Variants in SPOCK3 observed in about 807,000 individuals in gnomAD.
SPOCK3 encodes testican-3.
Under a neutral mutation model 56.6 loss-of-function variants are expected in SPOCK3, and 30 were observed. The observed-to-expected ratio is 0.53, with a 90% CI of 0.40 to 0.72. The LOEUF (loss-of-function observed/expected upper bound fraction) is 0.72, where lower values mean the gene tolerates loss of function less well. Ranked by LOEUF, SPOCK3 falls within the 30% of genes least tolerant of loss-of-function variation. The probability of loss-of-function intolerance (pLI) is 0.00; values close to 1 mark genes in which losing one functional copy is unlikely to be tolerated. For missense variants in SPOCK3, 527 were observed against 530.0 expected (o/e 0.99, Z 0.06); for synonymous variants, 196 against 183.3 (o/e 1.07, Z -0.56).
intron 4 of SPOCK3, among the ~76,000 whole-genome samples, chr4:166,934,485 G>A (rs561604788): frequency 2.6e-5 from 4 of 151,892 alleles, no homozygotes; most frequent in South Asian, 2.1e-4. Context: ...GCGACAGAGC[G>A]AGACTCCGTC....
At chr4:166,965,369 C>A (rs1186313324) in intron 4 of SPOCK3, among the ~76,000 whole-genome samples, 1 of 150,374 alleles carries the variant, frequency 6.7e-6, no homozygotes. Flanking sequence ...GAAAGGTCTG[C>A]TGGCAAAGAA....
At chr4:167,197,549 AG>A (rs147981214) in intron 2 of SPOCK3, among the ~76,000 whole-genome samples, 9,403 of 152,126 alleles carry the variant, frequency 0.062, 318 homozygotes, top group Admixed American at 0.086. Flanking sequence ...AATGCTCAAA[AG>A]TTAAGTTTCC....
intron 6 of SPOCK3, among the ~76,000 whole-genome samples, chr4:166,857,137 T>C (rs1419196594): frequency 6.6e-6 from 1 of 152,194 alleles, no homozygotes; most frequent in African/African-American, 2.4e-5. Flanking sequence ...TATTTACATA[T>C]GGAAGATAGT....
At chr4:167,091,862 G>A (rs1005642702) in intron 2 of SPOCK3, among the ~76,000 whole-genome samples, 4 of 152,094 alleles carry the variant, frequency 2.6e-5, no homozygotes, top group Non-Finnish European at 5.9e-5. Context: ...ATGAAATTAT[G>A]TAAGTTTTTC....
At chr4:166,893,835 GC>G (rs1735054762) in intron 5 of SPOCK3, among the ~76,000 whole-genome samples, 1 of 152,006 alleles carries the variant, frequency 6.6e-6, no homozygotes, top group South Asian at 2.1e-4. Context: ...TCAAAGACAT[GC>G]TTTGAACTCT....
intron 2 of SPOCK3, among the ~76,000 whole-genome samples, chr4:167,116,699 T>G (rs542508730): frequency 1.5e-5 from 2 of 132,330 alleles, no homozygotes; most frequent in African/African-American, 5.5e-5. Flanking sequence ...ACATATAGTA[T>G]ATATACGTAT....
intron 2 of SPOCK3, among the ~76,000 whole-genome samples, chr4:167,185,125 A>C (rs1029601262): frequency 4.6e-5 from 7 of 152,232 alleles, no homozygotes; most frequent in Non-Finnish European, 1.0e-4. Flanking sequence ...TAACTGGGTG[A>C]AAGCAAAACA....
intron 7 of SPOCK3, among the ~76,000 whole-genome samples, chr4:166,781,596 A>G (rs1740181058): frequency 2.0e-5 from 3 of 152,168 alleles, no homozygotes; most frequent in Non-Finnish European, 2.9e-5. Context: ...GTCGAAGAAT[A>G]TTTCAATGAT....
chr4:166,791,662 A>C (rs1741369872), intron 7 of SPOCK3, among the ~76,000 whole-genome samples: 1 of 152,214 alleles, frequency 6.6e-6, no homozygotes, highest in Non-Finnish European at 1.5e-5. Flanking sequence ...TGATAATTAA[A>C]AAAAATTGTA....
At chr4:167,142,560 A>G (rs1188242758) in intron 2 of SPOCK3, among the ~76,000 whole-genome samples, 1 of 152,056 alleles carries the variant, frequency 6.6e-6, no homozygotes, top group Non-Finnish European at 1.5e-5. Flanking sequence ...TAGTTATTTT[A>G]GGAGGAATGC....
At chr4:167,012,173 C>G (rs983543191) in intron 3 of SPOCK3, among the ~76,000 whole-genome samples, 2 of 151,772 alleles carry the variant, frequency 1.3e-5, no homozygotes, top group Admixed American at 6.6e-5. Context: ...CATACAAACA[C>G]AAATATCAGT....
chr4:166,920,586 T>G (rs778663494), intron 4 of SPOCK3, among the ~76,000 whole-genome samples: 7 of 152,196 alleles, frequency 4.6e-5, no homozygotes, highest in Non-Finnish European at 1.0e-4. Flanking sequence ...AAGATTTGAG[T>G]TCATAAAAAT....
At chr4:166,938,463 A>G (rs1740691284) in intron 4 of SPOCK3, among the ~76,000 whole-genome samples, 1 of 152,192 alleles carries the variant, frequency 6.6e-6, no homozygotes, top group South Asian at 2.1e-4. Flanking sequence ...CTGGTGATCA[A>G]TCTGGTAAAA....
chr4:167,146,550 C>T (rs1159734995), intron 2 of SPOCK3, among the ~76,000 whole-genome samples: 1 of 152,114 alleles, frequency 6.6e-6, no homozygotes, highest in Non-Finnish European at 1.5e-5. Context: ...AAATTGACCA[C>T]ATCATTGGAA....
intron 6 of SPOCK3, among the ~76,000 whole-genome samples, chr4:166,854,567 CATA>C (rs529492602): frequency 5.3e-5 from 8 of 152,010 alleles, no homozygotes; most frequent in Non-Finnish European, 8.8e-5. Flanking sequence ...ATAGACTGTC[CATA>C]ATATTTAAAA....
intron 4 of SPOCK3, among the ~76,000 whole-genome samples, chr4:166,924,415 G>T (rs559113435): frequency 6.6e-6 from 1 of 152,234 alleles, no homozygotes; most frequent in South Asian, 2.1e-4. Flanking sequence ...AAACCTTTCA[G>T]AACACTGTTA....
chr4:166,993,827 C>G (rs1015217334), intron 4 of SPOCK3, among the ~76,000 whole-genome samples: 13 of 152,058 alleles, frequency 8.5e-5, no homozygotes, highest in Admixed American at 4.6e-4. Context: ...ACTGAATAGA[C>G]CTTTCTCAAT....
intron 3 of SPOCK3, among the ~76,000 whole-genome samples, chr4:167,030,291 G>GT (rs1752148453): frequency 6.6e-6 from 1 of 151,840 alleles, no homozygotes; most frequent in African/African-American, 2.4e-5. Flanking sequence ...TTAATCTTTT[G>GT]TTTTTTATAC....
intron 4 of SPOCK3, among the ~76,000 whole-genome samples, chr4:166,999,954 CATCA>C (rs1167550738): frequency 6.6e-6 from 1 of 152,086 alleles, no homozygotes; most frequent in African/African-American, 2.4e-5. Flanking sequence ...TTTTTATGAA[CATCA>C]ATCATTTTCT....
Sources: gnomAD v4.1 joint callset for allele counts (sites outside exome capture counted in the v4.1 genomes callset) on GRCh38, gnomAD v4.1.1 for gene constraint, MANE v1.5 for transcripts, NCBI Gene and HGNC (gene_info 2026-07-23, HGNC 2026-07-21) for gene names.